Variants in TEC observed in about 807,000 individuals in gnomAD.
TEC encodes the protein tyrosine-protein kinase Tec.
TEC carries 72 observed loss-of-function variants against 93.0 expected under a neutral mutation model. That is an observed-to-expected ratio of 0.77 (90% CI 0.64 to 0.94). The LOEUF (loss-of-function observed/expected upper bound fraction) is 0.94. TEC is among the 40% of genes least tolerant of loss of function. The probability of loss-of-function intolerance (pLI) is 0.00; values close to 1 mark genes in which losing one functional copy is unlikely to be tolerated. For missense variants in TEC, 630 were observed against 757.9 expected, an observed-to-expected ratio of 0.83 and a Z score of 1.98; for synonymous variants, 249 against 247.7, an observed-to-expected ratio of 1.01 and a Z score of -0.05.
intron 2 of TEC, among the ~76,000 whole-genome samples, chr4:48,217,207 G>T (rs1056070027): frequency 4.6e-5 from 7 of 152,002 alleles, no homozygotes; most frequent in African/African-American, 1.4e-4. Flanking sequence ...AGGTTCAAAC[G>T]ATTCTCTTGA....
intron 2 of TEC, 116 bp from the exon 3 acceptor site, chr4:48,176,302 C>G: frequency 2.9e-6 from 2 of 693,904 alleles, no homozygotes; most frequent in Non-Finnish European, 4.9e-6. Context: ...TTAAAATTAT[C>G]TAAATCATGT....
intron 8 of TEC, among the ~76,000 whole-genome samples, chr4:48,161,509 A>C (rs1469044722): frequency 1.3e-5 from 2 of 151,966 alleles, no homozygotes; most frequent in African/African-American, 4.8e-5. Flanking sequence ...GGGCCTGGAA[A>C]TCCTGAGTTC....
chr4:48,237,264 G>C (rs1397522464), intron 1 of TEC, among the ~76,000 whole-genome samples: 1 of 151,280 alleles, frequency 6.6e-6, no homozygotes, highest in Non-Finnish European at 1.5e-5. Context: ...AGGTTGCAGT[G>C]AGCCAAGATC....
chr4:48,209,902 T>C (rs1722840350), intron 2 of TEC, among the ~76,000 whole-genome samples: 1 of 152,178 alleles, frequency 6.6e-6, no homozygotes, highest in Non-Finnish European at 1.5e-5. Flanking sequence ...AGTGGAAATG[T>C]TTGAGAGTAT....
chr4:48,137,368 C>T lies in TEC; in HGVS notation c.*48G>A. ...AATAAATTAAAAGCCACAAAATGCC[C>T]ATCCTTCCTTGTGCTTGGGAATCTG... On this transcript the variant is annotated 3_prime_UTR_variant, in exon 18 of 18. Transcript: ENST00000381501. The T allele has an allele frequency of 6.8e-7, 1 of 1,480,750 alleles. No individual in the cohort carries two copies. Among genetic ancestry groups the T allele is most frequent in the Non-Finnish European group, 9.4e-7 (1 of 1,065,284 alleles). 91.7% of individuals were successfully genotyped at this position (1,480,750 alleles called of 1,614,324 possible). A position where few individuals can be genotyped will look rare whatever the true frequency, so the allele number is the denominator to read the frequency against.
rs1719864450 is a variant in TEC at position 48,145,437 on chromosome 4, C to T, written c.1224G>A (p.Glu408=). 3 of 1,614,132 alleles carry T rather than the reference C, an allele frequency of 1.9e-6. No homozygotes were observed. Among genetic ancestry groups the T allele is most frequent in the Non-Finnish European group, 2.5e-6 (3 of 1,180,034 alleles). The change falls in exon 13 of 18, where the codon GAG becomes GAA. Residue 408 remains glutamate (E), a synonymous_variant. Transcript: ENST00000381501. ...TCACTTTAGCTTCTTCTATAAAGTC[C>T]TCCTCGCACATTGCACCTTCCCGAA... ...KAIREGAMCE[E]DFIEEAKVMM...
chr4:48,155,861 T>C (rs995027848), intron 9 of TEC: 1 of 152,206 alleles, frequency 6.6e-6, no homozygotes, highest in Non-Finnish European at 1.5e-5. Context: ...AGAAGACTGC[T>C]ACTCTGAAGA....
At chr4:48,152,619 A>T (rs1437456447) in intron 9 of TEC, among the ~76,000 whole-genome samples, 1 of 152,190 alleles carries the variant, frequency 6.6e-6, no homozygotes, top group Non-Finnish European at 1.5e-5. Context: ...TAAGGAAATG[A>T]GAACAGAAAG....
rs1723944544 is a variant in TEC at position 48,242,435 on chromosome 4, T to C, written c.-45-13776A>G. On this transcript the variant is annotated intron_variant, in intron 1 of 17. Coordinates refer to ENST00000381501, the MANE Select transcript of TEC (RefSeq NM_003215.3). ...CTTTATCTAGCTTGCTGGTATTTAC[T>C]TCAGAAGCCAAATCTCAAAGGTAAC... Among the ~76,000 whole-genome samples, 3 of 152,362 alleles carry C rather than the reference T, an allele frequency of 2.0e-5. No homozygotes were observed. In the South Asian group the frequency reaches 6.2e-4, roughly 32 times the overall value.
chr4:48,147,340 T>C (rs1173666082), intron 11 of TEC, among the ~76,000 whole-genome samples: 1 of 152,224 alleles, frequency 6.6e-6, no homozygotes, highest in Non-Finnish European at 1.5e-5. Context: ...GAAGCATTAT[T>C]CATAAGAGAA....
chr4:48,205,064 A>C (rs765082018), intron 2 of TEC, among the ~76,000 whole-genome samples: 14 of 152,216 alleles, frequency 9.2e-5, no homozygotes, highest in Non-Finnish European at 1.6e-4. Context: ...CAAATCATTG[A>C]CTTAGTTAAT....
Position 48,167,875 on chromosome 4 carries a change from C to A in TEC, c.574G>T (p.Ala192Ser), listed in dbSNP as rs1407485278. Residue 192 changes from alanine (A) to serine (S), a missense_variant, in exon 7 of 18, where the codon GCA becomes TCA. Physicochemically the swap from Ala to Ser is moderately conservative, Grantham distance 99. This residue lies in a region of TEC where 335 missense variants were observed against 351.5 expected (regional missense o/e 0.95). Transcript: ENST00000381501. Reference sequence around the variant, plus strand: ...AATCTGAGATCATGTCCTTCTGCTGCTTGGAAATCATACATGGCTACAACG... The same window carrying A: ...AATCTGAGATCATGTCCTTCTGCTGATTGGAAATCATACATGGCTACAACG... ...EIVVAMYDFQ[A>S]AEGHDLRLER... 6.2e-7 allele frequency: 1 copy of A among 1,613,862 alleles called. No homozygotes were observed. Among genetic ancestry groups the A allele is most frequent in the South Asian group, 1.1e-5 (1 of 91,066 alleles).
At chr4:48,216,094 A>C (rs557346453) in intron 2 of TEC, among the ~76,000 whole-genome samples, 1 of 152,296 alleles carries the variant, frequency 6.6e-6, no homozygotes, top group African/African-American at 2.4e-5. Context: ...AGGCCTCAGA[A>C]CAGAACAGTT....
intron 2 of TEC, among the ~76,000 whole-genome samples, chr4:48,220,675 T>C (rs2109625920): frequency 6.6e-6 from 1 of 152,320 alleles, no homozygotes; most frequent in South Asian, 2.1e-4. Flanking sequence ...CAAGTATTTC[T>C]TTATAGCAAT....
Position 48,150,950 on chromosome 4 carries a change from C to A in TEC, c.793-8G>T. The stretch of plus-strand genomic sequence containing the variant: ...AAAACCACCTTCTTTATCCTAAAAT[C>A]CAAGTTCAGAAAAAATTTTTTTTAC... On this transcript the variant is annotated splice_region_variant and splice_polypyrimidine_tract_variant and intron_variant, in intron 9 of 17. Transcript: ENST00000381501. 6.4e-7 allele frequency: 1 copy of A among 1,568,674 alleles called. No individual in the cohort carries two copies.
chr4:48,171,586 A>G (rs1243575411), intron 3 of TEC, 137 bp from the exon 4 acceptor site: 6 of 562,236 alleles, frequency 1.1e-5, no homozygotes. Context: ...TATCCAGAAA[A>G]CCCAGGTTAC....
rs115116920 is a variant in TEC at position 48,213,125 on chromosome 4, C to T, written c.138+15352G>A. On this transcript the variant is annotated intron_variant, in intron 2 of 17. Coordinates refer to ENST00000381501, the MANE Select transcript of TEC (RefSeq NM_003215.3). ...TCGTAGTCGCAAATAAAATTAACAG[C>T]AATGCCTATGTGATTGCTTGGAATA... Among the ~76,000 whole-genome samples, 1,032 of 152,260 alleles carry T rather than the reference C, an allele frequency of 6.8e-3. 5 individuals carry two copies. The highest frequency in any genetic ancestry group is 0.024 in the African/African-American group (993 of 41,536).
At chr4:48,239,815 T>C (rs1723878906) in intron 1 of TEC, among the ~76,000 whole-genome samples, 1 of 152,166 alleles carries the variant, frequency 6.6e-6, no homozygotes, top group Non-Finnish European at 1.5e-5. Context: ...GTCTGACATA[T>C]ATTTAGTCTT....
chr4:48,226,201 G>A (rs1156761666), intron 2 of TEC, among the ~76,000 whole-genome samples: 5 of 148,678 alleles, frequency 3.4e-5, no homozygotes, highest in Admixed American at 6.7e-5. Context: ...CCCATACTGC[G>A]AACCAAACAA....
Sources: allele counts gnomAD v4.1 joint callset (sites outside exome capture counted in the v4.1 genomes callset), GRCh38; gene constraint gnomAD v4.1.1; regional missense constraint gnomAD v4.1.1; transcripts MANE v1.5; gene names NCBI Gene and HGNC (gene_info 2026-07-23, HGNC 2026-07-21).